The following SKIL variants were observed in gnomAD, a reference collection of about 807,000 sequenced individuals.
The protein encoded by SKIL is SKI like proto-oncogene.
SKIL carries 20 observed loss-of-function variants against 69.6 expected under a neutral mutation model. That is an observed-to-expected ratio of 0.29 (90% CI 0.20 to 0.42). The LOEUF (loss-of-function observed/expected upper bound fraction) is 0.42, where lower values mean the gene tolerates loss of function less well. Among genes scored for constraint, SKIL ranks in the 10% least tolerant of loss-of-function variants. The pLI is 1.00. For synonymous variants in SKIL, 310 were observed against 279.9 expected (o/e 1.11, Z -1.08); for missense variants, 745 against 783.1 (o/e 0.95, Z 0.58).
chr3:170,384,921 T>C, intron 4 of SKIL, 156 bp downstream of exon 4: 1 of 543,670 alleles, frequency 1.8e-6, no homozygotes, highest in Non-Finnish European at 3.2e-6. Context: ...TGATTTATTT[T>C]AATCTCAGTT....
Position 170,378,553 on chromosome 3 carries a change from C to CTT in SKIL, c.1099-2677_1099-2676dup, listed in dbSNP as rs373084445. On this transcript the variant is annotated intron_variant, in intron 2 of 6. Coordinates refer to ENST00000259119, the MANE Select transcript of SKIL (RefSeq NM_005414.5). ...TGGGAATTGGACTCTCTCTCTCTCT[C>CTT]TTTTTTTTTTTTTTTGGAGACAAAG... Among the ~76,000 whole-genome samples, 6 of 118,994 alleles carry CTT rather than the reference C, an allele frequency of 5.0e-5. 1 individual carries two copies. The highest frequency in any genetic ancestry group is 1.0e-4 in the Admixed American group (1 of 9,902). 78.1% of individuals were successfully genotyped at this position (118,994 alleles called of 152,430 possible). A position where few individuals can be genotyped will look rare whatever the true frequency, so the allele number is the denominator to read the frequency against.
intron 2 of SKIL, among the ~76,000 whole-genome samples, chr3:170,366,899 T>C (rs555347313): frequency 6.6e-5 from 10 of 152,312 alleles, no homozygotes; most frequent in African/African-American, 2.4e-4. Flanking sequence ...AAATCAGAAG[T>C]AGATCAAATA....
rs770840893 is a variant in SKIL at position 170,384,574 on chromosome 3, T to C, written c.1238T>C (p.Val413Ala). 1 of 1,611,532 alleles carries C rather than the reference T, an allele frequency of 6.2e-7. No homozygotes were observed. The highest frequency in any genetic ancestry group is 1.1e-5 in the South Asian group (1 of 90,550). The change falls in exon 4 of 7, where the codon GTG becomes GCG. Residue 413 changes from valine to alanine, a missense_variant. Physicochemically the swap from Val to Ala is moderately conservative, Grantham distance 64. Coordinates refer to ENST00000259119, the MANE Select transcript of SKIL (RefSeq NM_005414.5). ...TGTGATAAAGTGGTTGCCCCAAATGTGTCACTTACTTCTGCTGTATCCCAG... is the reference window on the plus strand; with the variant it reads ...TGTGATAAAGTGGTTGCCCCAAATGCGTCACTTACTTCTGCTGTATCCCAG... ...YMCDKVVAPN[V>A]SLTSAVSQSK...
At chr3:170,374,644 T>C (rs918935597) in intron 2 of SKIL, among the ~76,000 whole-genome samples, 2 of 152,194 alleles carry the variant, frequency 1.3e-5, no homozygotes, top group Non-Finnish European at 2.9e-5. Context: ...GCAGAATAGA[T>C]GAGAAAATCT....
chr3:170,385,808 TC>T (rs1737594689), intron 4 of SKIL, among the ~76,000 whole-genome samples: 3 of 151,610 alleles, frequency 2.0e-5, no homozygotes, highest in Admixed American at 6.6e-5. Flanking sequence ...TTCTTTTTTT[TC>T]TTTTTTTTTT....
At chr3:170,376,214 AT>A (rs1349921443) in intron 2 of SKIL, among the ~76,000 whole-genome samples, 12 of 149,004 alleles carry the variant, frequency 8.1e-5, no homozygotes, top group Admixed American at 2.7e-4. Context: ...TGCCCAGCTA[AT>A]TTTTTTTTTC....
At chr3:170,386,470 G>A (rs942121485) in intron 4 of SKIL, among the ~76,000 whole-genome samples, 1 of 151,910 alleles carries the variant, frequency 6.6e-6, no homozygotes, top group Non-Finnish European at 1.5e-5. Context: ...TTTTTGTTTC[G>A]TTTTTCTTTT....
intron 2 of SKIL, among the ~76,000 whole-genome samples, chr3:170,369,356 T>C (rs976525551): frequency 3.3e-5 from 5 of 152,158 alleles, no homozygotes; most frequent in African/African-American, 1.2e-4. Flanking sequence ...GCAGTGCATA[T>C]GTTATCAATT....
At position 170,361,405 on chromosome 3, in the gene SKIL, A is replaced by C; in HGVS notation, c.1074A>C (p.Arg358Ser). 1 of 1,585,000 alleles carries C rather than the reference A, an allele frequency of 6.3e-7. No homozygotes were observed. Among genetic ancestry groups the C allele is most frequent in the Non-Finnish European group, 8.5e-7 (1 of 1,169,884 alleles). ...AAATGAAGGAGAAGTTTAGCATGAG[A>C]AGTGGAAAGAGAAATCAATCCAAGG... is the stretch of plus-strand genomic sequence containing the variant. ...LEEMKEKFSM[R>S]SGKRNQSKTD... The change falls in exon 2 of 7, where the codon AGA (arginine) becomes AGC (serine). Residue 358 changes from arginine to serine, a missense_variant. Coordinates refer to ENST00000259119, the MANE Select transcript of SKIL (RefSeq NM_005414.5).
chr3:170,386,547 G>A (rs1173830290), intron 4 of SKIL, among the ~76,000 whole-genome samples: 1 of 152,062 alleles, frequency 6.6e-6, no homozygotes, highest in African/African-American at 2.4e-5. Context: ...ATAGCTCACC[G>A]CAGCTTCAAA....
intron 2 of SKIL, among the ~76,000 whole-genome samples, chr3:170,371,992 A>G (rs1430146542): frequency 6.6e-6 from 1 of 152,260 alleles, no homozygotes; most frequent in Non-Finnish European, 1.5e-5. Flanking sequence ...ATTGTTAAGC[A>G]TATATGCTAA....
chr3:170,387,325 G>GTCAC (rs1230766083), intron 4 of SKIL, among the ~76,000 whole-genome samples: 4 of 152,090 alleles, frequency 2.6e-5, no homozygotes, highest in Non-Finnish European at 5.9e-5. Flanking sequence ...TCCATTAGGA[G>GTCAC]TCACTCCCTG....
intron 4 of SKIL, among the ~76,000 whole-genome samples, chr3:170,388,388 C>T (rs1380256947): frequency 6.6e-6 from 1 of 152,000 alleles, no homozygotes; most frequent in African/African-American, 2.4e-5. Flanking sequence ...TTTATATATT[C>T]TGGATACTGG....
intron 2 of SKIL, among the ~76,000 whole-genome samples, chr3:170,373,056 C>T (rs1426760571): frequency 6.1e-5 from 9 of 148,346 alleles, no homozygotes; most frequent in Admixed American, 4.8e-4. Context: ...GGCGTGATCT[C>T]GGCTCACAGC....
rs1737456019 is a variant in SKIL at position 170,383,311 on chromosome 3, A to G, written c.1197-1222A>G. 2.0e-5 allele frequency among the ~76,000 whole-genome samples: 3 copies of G among 152,200 alleles called. No homozygotes were observed. In the South Asian group the frequency reaches 6.2e-4, roughly 32 times the overall value. ...CTGTCAATTTTCTTGTCCTGTCAGA[A>G]AACTGAGATTTTGGCTCAAAAATGG... is the stretch of plus-strand genomic sequence containing the variant. On this transcript the variant is annotated intron_variant, in intron 3 of 6. Coordinates refer to ENST00000259119, the MANE Select transcript of SKIL (RefSeq NM_005414.5).
At position 170,390,383 on chromosome 3, in the gene SKIL, C is replaced by A. The variant is rs1737854572; in HGVS notation, c.1590C>A (p.Ile530=). ...DVICEDDKGK[I]MEEVMRTYLK... ...TTTGTGAGGATGATAAGGGAAAAAT[C>A]ATGGAAGAAGTAATGAGAACTTATT... is the stretch of plus-strand genomic sequence containing the variant. The change falls in exon 5 of 7, where the codon ATC becomes ATA. Residue 530 remains isoleucine (I), a synonymous_variant. Coordinates refer to ENST00000259119, the MANE Select transcript of SKIL (RefSeq NM_005414.5). The A allele has an allele frequency of 1.2e-6, 2 of 1,613,582 alleles. No homozygotes were observed. Among genetic ancestry groups the A allele is most frequent in the Non-Finnish European group, 8.5e-7 (1 of 1,179,632 alleles).
chr3:170,391,210 A>G lies in SKIL; in HGVS notation c.1846A>G (p.Thr616Ala). The change falls in exon 6 of 7, where the codon ACC (threonine) becomes GCC (alanine). Residue 616 changes from threonine (T) to alanine (A), a missense_variant. By Grantham distance (58) the Thr-to-Ala change is moderately conservative (BLOSUM62 0). Coordinates refer to ENST00000259119, the MANE Select transcript of SKIL (RefSeq NM_005414.5). ...KLEQIMKQKC[T>A]CDSNLEKDKE... is the part of the protein sequence containing the mutation. ...GGAGCAGATAATGAAGCAAAAATGT[A>G]CCTGTGACTCAAATTTAGAAAAAGA... 3 of 1,612,700 alleles carry G rather than the reference A, an allele frequency of 1.9e-6. No individual in the cohort carries two copies. Among genetic ancestry groups the G allele is most frequent in the Non-Finnish European group, 2.5e-6 (3 of 1,179,034 alleles).
chr3:170,377,620 C>T (rs1172333186), intron 2 of SKIL, among the ~76,000 whole-genome samples: 1 of 141,148 alleles, frequency 7.1e-6, no homozygotes, highest in East Asian at 2.1e-4. Flanking sequence ...ACGATCTCGG[C>T]TCACTGCAAC....
Position 170,360,745 on chromosome 3 carries a change from A to G in SKIL, c.414A>G (p.Ser138=). 2 of 1,614,158 alleles carry G rather than the reference A, an allele frequency of 1.2e-6. No individual in the cohort carries two copies. Among genetic ancestry groups the G allele is most frequent in the African/African-American group, 1.3e-5 (1 of 75,028 alleles). Residue 138 remains serine (S), a synonymous_variant, in exon 2 of 7, where the codon TCA becomes TCG. Coordinates refer to ENST00000259119, the MANE Select transcript of SKIL (RefSeq NM_005414.5). ...QVLPGPLLIP[S]DSSTELTQTV... ...TTCCTGGCCCATTGCTCATCCCTTC[A>G]GATAGCTCCACAGAACTCACTCAGA...
Sources: gnomAD v4.1 joint callset for allele counts (sites outside exome capture counted in the v4.1 genomes callset) on GRCh38, gnomAD v4.1.1 for gene constraint, MANE v1.5 for transcripts, NCBI Gene and HGNC (gene_info 2026-07-23, HGNC 2026-07-21) for gene names.